The following FRMD4A variants were observed in gnomAD, a reference collection of about 807,000 sequenced individuals.
The protein encoded by FRMD4A is FERM domain-containing protein 4A.
In FRMD4A, 29 loss-of-function variants were observed where a neutral mutation model predicts 129.1. The observed-to-expected ratio is 0.22, with a 90% CI of 0.17 to 0.31. The LOEUF (loss-of-function observed/expected upper bound fraction) is 0.31. Ranked by LOEUF, FRMD4A falls within the 10% of genes least tolerant of loss-of-function variation. The pLI, the probability that FRMD4A is intolerant of heterozygous loss-of-function variation, is 1.00. For synonymous variants in FRMD4A, 634 were observed against 571.6 expected, an observed-to-expected ratio of 1.11 and a Z score of -1.56; for missense variants, 1,272 against 1,375.8, an observed-to-expected ratio of 0.92 and a Z score of 1.19.
At chr10:13,741,638 G>A (rs1240034723) in intron 9 of FRMD4A, among the ~76,000 whole-genome samples, 1 of 152,176 alleles carries the variant, frequency 6.6e-6, no homozygotes, top group African/African-American at 2.4e-5. Context: ...CCTCATGGGG[G>A]AATGGCAGGC....
intron 2 of FRMD4A, among the ~76,000 whole-genome samples, chr10:14,085,007 T>C (rs1440605999): frequency 6.6e-6 from 1 of 152,206 alleles, no homozygotes; most frequent in Non-Finnish European, 1.5e-5. Flanking sequence ...TCTGTTGACC[T>C]TGCCACACCT....
chr10:13,825,051 A>G (rs1404458987), intron 3 of FRMD4A, among the ~76,000 whole-genome samples: 1 of 152,210 alleles, frequency 6.6e-6, no homozygotes, highest in Admixed American at 6.5e-5. Flanking sequence ...ACCTGAAACC[A>G]TGGGTAACAC....
chr10:13,914,023 C>G (rs569412914), intron 2 of FRMD4A, among the ~76,000 whole-genome samples: 3 of 152,278 alleles, frequency 2.0e-5, no homozygotes, highest in Admixed American at 1.3e-4. Flanking sequence ...ACCAACACCC[C>G]TCTCCCTCCC....
chr10:13,985,983 A>C (rs1226492398), intron 2 of FRMD4A, among the ~76,000 whole-genome samples: 1 of 152,196 alleles, frequency 6.6e-6, no homozygotes, highest in Non-Finnish European at 1.5e-5. Context: ...CTGTCCCGAC[A>C]CTGCAGCCAC....
intron 2 of FRMD4A, among the ~76,000 whole-genome samples, chr10:13,979,437 A>G (rs1190264498): frequency 6.6e-6 from 1 of 152,222 alleles, no homozygotes; most frequent in Non-Finnish European, 1.5e-5. Context: ...TCCTTTCCAA[A>G]GAGGAATTAA....
chr10:14,214,550 A>G (rs1032815923), intron 2 of FRMD4A, among the ~76,000 whole-genome samples: 1 of 152,242 alleles, frequency 6.6e-6, no homozygotes, highest in African/African-American at 2.4e-5. Context: ...AGTACTTAAT[A>G]TACATTATCT....
intron 15 of FRMD4A, among the ~76,000 whole-genome samples, chr10:13,688,608 A>G (rs1589382809): frequency 6.6e-6 from 1 of 152,308 alleles, no homozygotes; most frequent in East Asian, 1.9e-4. Context: ...TGGGTTTAAA[A>G]AATAAAAATG....
intron 3 of FRMD4A, among the ~76,000 whole-genome samples, chr10:13,815,417 T>C (rs187535393): frequency 2.6e-5 from 4 of 152,302 alleles, no homozygotes; most frequent in Non-Finnish European, 1.5e-5. Context: ...TGGGGGGTTA[T>C]TGCTTAATGG....
intron 2 of FRMD4A, among the ~76,000 whole-genome samples, chr10:13,965,609 T>C (rs1048922513): frequency 6.6e-6 from 1 of 152,256 alleles, no homozygotes; most frequent in Non-Finnish European, 1.5e-5. Context: ...CTCAACAGCA[T>C]GTTCTGCAAT....
chr10:14,106,900 G>A (rs765468937), intron 2 of FRMD4A, among the ~76,000 whole-genome samples: 27 of 151,920 alleles, frequency 1.8e-4, no homozygotes, highest in South Asian at 2.1e-4. Context: ...ACCTACACTC[G>A]TATGTTTATC....
chr10:14,312,629 T>C (rs1846590346), intron 2 of FRMD4A, among the ~76,000 whole-genome samples: 2 of 152,170 alleles, frequency 1.3e-5, no homozygotes, highest in Non-Finnish European at 2.9e-5. Flanking sequence ...ATTAAATAAA[T>C]TATGAGTCAT....
intron 3 of FRMD4A, among the ~76,000 whole-genome samples, chr10:13,846,584 G>C (rs2094049451): frequency 6.6e-6 from 1 of 152,200 alleles, no homozygotes. Context: ...CATTACTATG[G>C]ATGCAACTCC....
intron 2 of FRMD4A, among the ~76,000 whole-genome samples, chr10:14,284,089 T>C (rs1845605939): frequency 6.6e-6 from 1 of 152,212 alleles, no homozygotes; most frequent in Non-Finnish European, 1.5e-5. Context: ...CTATGAAATA[T>C]GGGTAAAAAT....
At chr10:14,237,370 G>A (rs974446587) in intron 2 of FRMD4A, among the ~76,000 whole-genome samples, 4 of 152,020 alleles carry the variant, frequency 2.6e-5, no homozygotes, top group Admixed American at 6.6e-5. Flanking sequence ...ACACTCTGTC[G>A]CCCAGGCTGG....
intron 12 of FRMD4A, among the ~76,000 whole-genome samples, chr10:13,712,437 C>T (rs1442820598): frequency 6.6e-6 from 1 of 151,978 alleles, no homozygotes; most frequent in Non-Finnish European, 1.5e-5. Flanking sequence ...TCGCTTGTAC[C>T]CAGGAGACGG....
rs1250005592 is a variant in FRMD4A, at chr10:14,320,029, A to G, written c.45+10029T>C. The stretch of plus-strand genomic sequence containing the variant: ...ATCCAATCCTGATGGCTCTCCCTTC[A>G]GAATGTTTCAGAATTCATTCCCCTT... On this transcript the variant is annotated intron_variant, in intron 2 of 24. Coordinates refer to ENST00000357447, the MANE Select transcript of FRMD4A (RefSeq NM_018027.5). Among the ~76,000 whole-genome samples the G allele has an allele frequency of 2.0e-5, 3 of 151,934 alleles. No homozygotes were observed. In the East Asian group the frequency reaches 5.8e-4, roughly 29 times the overall value.
intron 2 of FRMD4A, among the ~76,000 whole-genome samples, chr10:14,279,646 C>G (rs1845454233): frequency 6.6e-6 from 1 of 152,158 alleles, no homozygotes; most frequent in African/African-American, 2.4e-5. Context: ...AATCACAGAA[C>G]CAGGAGTTTG....
intron 24 of FRMD4A, 85 bp downstream of exon 24, chr10:13,651,818 T>G (rs1227542748): frequency 3.9e-6 from 3 of 776,126 alleles, no homozygotes; most frequent in Non-Finnish European, 4.8e-6. Context: ...AGATGTATCC[T>G]TGTGGAAATG....
intron 2 of FRMD4A, among the ~76,000 whole-genome samples, chr10:14,299,189 C>A (rs1457042360): frequency 6.6e-6 from 1 of 152,196 alleles, no homozygotes; most frequent in East Asian, 1.9e-4. Context: ...ATATCCCATT[C>A]TCTTCTGATG....
Sources: allele counts gnomAD v4.1 joint callset (sites outside exome capture counted in the v4.1 genomes callset), GRCh38; gene constraint gnomAD v4.1.1; transcripts MANE v1.5; gene names NCBI Gene and HGNC (gene_info 2026-07-23, HGNC 2026-07-21).